KCNIP4: variants seen among roughly 807,000 people sequenced by gnomAD.
KCNIP4 encodes potassium voltage-gated channel interacting protein 4, also known as Kv channel-interacting protein 4.
In KCNIP4, 12 loss-of-function variants were observed where a neutral mutation model predicts 34.0. The observed-to-expected ratio is 0.35, with a 90% confidence interval of 0.23 to 0.57. KCNIP4 has a LOEUF of 0.57. Among genes scored for constraint, KCNIP4 ranks in the 20% least tolerant of loss-of-function variants. The pLI is 0.83. For missense variants in KCNIP4, 238 were observed against 311.7 expected (o/e 0.76, Z 1.78); for synonymous variants, 124 against 102.2 (o/e 1.21, Z -1.29).
chr4:21,667,110 G>C (rs183040927), intron 1 of KCNIP4, among the ~76,000 whole-genome samples: 5 of 152,258 alleles, frequency 3.3e-5, no homozygotes, highest in African/African-American at 1.2e-4. Context: ...GAAGAGGAAA[G>C]AGACGAAGCC....
intron 3 of KCNIP4, among the ~76,000 whole-genome samples, chr4:20,763,588 G>A (rs1481434687): frequency 1.3e-5 from 2 of 152,176 alleles, no homozygotes; most frequent in Admixed American, 6.5e-5. Flanking sequence ...AAAATAAGAA[G>A]TCTGGTATGG....
chr4:21,526,269 T>A (rs1577526978), intron 1 of KCNIP4, among the ~76,000 whole-genome samples: 1 of 152,084 alleles, frequency 6.6e-6, no homozygotes, highest in African/African-American at 2.4e-5. Flanking sequence ...AGTCTCATAA[T>A]ATCTGATGGT....
rs140841124 is a variant in KCNIP4 at position 21,509,520 on chromosome 4, G to A, written c.61+439051C>T. Among the ~76,000 whole-genome samples the A allele has an allele frequency of 9.5e-4, 144 of 152,256 alleles. 1 individual carries two copies. The highest frequency in any genetic ancestry group is 3.2e-3 in the African/African-American group (135 of 41,550). On this transcript the variant is annotated intron_variant, in intron 1 of 8. Coordinates refer to ENST00000382152, the MANE Select transcript of KCNIP4 (RefSeq NM_025221.6). ...TGTAGGCATTTGCTGGAACAAGAGT[G>A]TTATATGTGTTATTGCATTTAATCC...
intron 1 of KCNIP4, among the ~76,000 whole-genome samples, chr4:21,691,946 C>CCT (rs1001431797): frequency 2.0e-5 from 3 of 152,060 alleles, no homozygotes; most frequent in Admixed American, 6.6e-5. Context: ...GATCCACCCA[C>CCT]CTCAGCCTCC....
chr4:20,771,171 G>T (rs1449093564), intron 3 of KCNIP4, among the ~76,000 whole-genome samples: 6 of 152,080 alleles, frequency 3.9e-5, no homozygotes, highest in Non-Finnish European at 8.8e-5. Context: ...ACAGAGAGAT[G>T]ACTGCATGGA....
chr4:20,737,093 A>G (rs1749793989), intron 5 of KCNIP4, among the ~76,000 whole-genome samples: 1 of 152,210 alleles, frequency 6.6e-6, no homozygotes. Flanking sequence ...TGGCAACTGG[A>G]TCACCATACT....
intron 3 of KCNIP4, among the ~76,000 whole-genome samples, chr4:20,806,516 T>A (rs934513989): frequency 1.3e-4 from 19 of 151,988 alleles, no homozygotes; most frequent in Non-Finnish European, 7.4e-5. Flanking sequence ...TTTTTTTTAA[T>A]TTATTTTCCA....
intron 1 of KCNIP4, among the ~76,000 whole-genome samples, chr4:21,932,305 A>G (rs1029566054): frequency 6.6e-6 from 1 of 152,114 alleles, no homozygotes; most frequent in Non-Finnish European, 1.5e-5. Flanking sequence ...AAAAAAGGAC[A>G]ATGCAGTGTC....
chr4:20,812,103 G>T (rs1373652709), intron 3 of KCNIP4, among the ~76,000 whole-genome samples: 1 of 152,272 alleles, frequency 6.6e-6, no homozygotes, highest in African/African-American at 2.4e-5. Flanking sequence ...TTACTTTTGG[G>T]GACATGTTTG....
intron 1 of KCNIP4, among the ~76,000 whole-genome samples, chr4:21,309,329 A>G (rs1307124806): frequency 6.6e-6 from 1 of 152,148 alleles, no homozygotes; most frequent in African/African-American, 2.4e-5. Flanking sequence ...CTTTCATTCA[A>G]TTGCTAAAGT....
In KCNIP4 at chr4:21,714,785, G is replaced by GATTATTTTATTTTATTTTATTTT. The variant is rs1553923854; in HGVS notation, c.61+233763_61+233785dup. Among the ~76,000 whole-genome samples the GATTATTTTATTTTATTTTATTTT allele has an allele frequency of 8.8e-4, 38 of 43,372 alleles. 14 individuals carry two copies. The highest frequency in any genetic ancestry group is 3.1e-3 in the Admixed American group (9 of 2,860). 28.5% of individuals were successfully genotyped at this position (43,372 alleles called of 152,430 possible). On this transcript the variant is annotated intron_variant, in intron 1 of 8. Transcript: ENST00000382152. The stretch of plus-strand genomic sequence containing the variant: ...AAGAATGTGTTAGTAATTTCCCTTT[G>GATTATTTTATTTTATTTTATTTT]ATTATTTTATTTTATTTTATTTTAT...
chr4:21,481,432 C>T (rs1005427729), intron 1 of KCNIP4, among the ~76,000 whole-genome samples: 1 of 152,056 alleles, frequency 6.6e-6, no homozygotes, highest in Non-Finnish European at 1.5e-5. Context: ...GGGGGCTTAA[C>T]TAAATACATG....
intron 1 of KCNIP4, among the ~76,000 whole-genome samples, chr4:21,427,854 C>T (rs1237580967): frequency 5.3e-5 from 8 of 152,136 alleles, no homozygotes; most frequent in Non-Finnish European, 1.2e-4. Flanking sequence ...TCATAGCCAA[C>T]ATGAATTCTC....
chr4:21,787,147 C>T (rs1172457570), intron 1 of KCNIP4, among the ~76,000 whole-genome samples: 1 of 152,150 alleles, frequency 6.6e-6, no homozygotes, highest in Non-Finnish European at 1.5e-5. Context: ...TTGTTTCATG[C>T]ACAAAATTAT....
In KCNIP4 at chr4:21,125,188, CTTATTTTATT is replaced by C. The variant is rs71189682; in HGVS notation, c.62-242489_62-242480del. Among the ~76,000 whole-genome samples, 386 of 119,086 alleles carry C rather than the reference CTTATTTTATT, an allele frequency of 3.2e-3. 1 individual carries two copies. The highest frequency in any genetic ancestry group is 8.0e-3 in the South Asian group (28 of 3,504). The allele number at this position is 119,086 out of a possible 152,430, so 78.1% of individuals were successfully genotyped here. A position where few individuals can be genotyped will look rare whatever the true frequency, so the allele number is the denominator to read the frequency against. ...GAGGGCTTTTTTTATTTTATTTTGT[CTTATTTTATT>C]TTATTTTATTTTATTTTATTTTATT... is the stretch of plus-strand genomic sequence containing the variant. On this transcript the variant is annotated intron_variant, in intron 1 of 8. Transcript: ENST00000382152.
At chr4:20,981,339 A>T (rs900452906) in intron 1 of KCNIP4, among the ~76,000 whole-genome samples, 1 of 152,208 alleles carries the variant, frequency 6.6e-6, no homozygotes, top group South Asian at 2.1e-4. Flanking sequence ...TTGAGGTCAG[A>T]GCCTTGTAGA....
intron 3 of KCNIP4, among the ~76,000 whole-genome samples, chr4:20,784,107 T>A (rs949859961): frequency 1.3e-5 from 2 of 152,176 alleles, no homozygotes; most frequent in African/African-American, 4.8e-5. Flanking sequence ...ACAATATAAG[T>A]CTGTCTCTCC....
chr4:21,275,100 A>G (rs745905505), intron 1 of KCNIP4, among the ~76,000 whole-genome samples: 6 of 152,160 alleles, frequency 3.9e-5, no homozygotes, highest in Non-Finnish European at 8.8e-5. Context: ...AGGAACCATC[A>G]TTGGTTCTGA....
At chr4:21,247,964 T>TAC (rs1560213134) in intron 1 of KCNIP4, among the ~76,000 whole-genome samples, 5 of 121,092 alleles carry the variant, frequency 4.1e-5, no homozygotes, top group African/African-American at 1.9e-4. Context: ...CATATATATA[T>TAC]ACACACACAT....
Sources: allele counts gnomAD v4.1 joint callset (sites outside exome capture counted in the v4.1 genomes callset), GRCh38; gene constraint gnomAD v4.1.1; transcripts MANE v1.5; gene names NCBI Gene and HGNC (gene_info 2026-07-23, HGNC 2026-07-21).